NEBL: variants seen among roughly 807,000 people sequenced by gnomAD.
NEBL encodes LIM and SH3 protein 2.
In NEBL, 122 loss-of-function variants were observed where a neutral mutation model predicts 140.2. The observed-to-expected ratio is 0.87, with a 90% CI of 0.75 to 1.01. The LOEUF (loss-of-function observed/expected upper bound fraction) is 1.01. Among genes scored for constraint, NEBL ranks in the 50% least tolerant of loss-of-function variants. The pLI, the probability that NEBL is intolerant of heterozygous loss-of-function variation, is 0.00. For synonymous variants in NEBL, 436 were observed against 398.9 expected (o/e 1.09, Z -1.11); for missense variants, 1,365 against 1,231.3 (o/e 1.11, Z -1.62).
chr10:20,884,493 GC>G (rs1340431350), intron 4 of NEBL, among the ~76,000 whole-genome samples: 1 of 152,200 alleles, frequency 6.6e-6, no homozygotes, highest in Non-Finnish European at 1.5e-5. Context: ...GGTCAAGTAT[GC>G]AAATTAAAAT....
intron 4 of NEBL, among the ~76,000 whole-genome samples, chr10:20,916,171 G>A (rs1848547895): frequency 6.6e-6 from 1 of 152,100 alleles, no homozygotes; most frequent in Non-Finnish European, 1.5e-5. Context: ...TGCTAAATGT[G>A]AGAATTTTAG....
At chr10:20,861,882 T>G (rs1230546729) in intron 7 of NEBL, among the ~76,000 whole-genome samples, 2 of 152,146 alleles carry the variant, frequency 1.3e-5, no homozygotes, top group Non-Finnish European at 2.9e-5. Context: ...CACCGTAAGT[T>G]AAAAATGTAA....
chr10:21,146,396 AT>A (rs1839895300), intron 2 of NEBL: 2 of 1,608,322 alleles, frequency 1.2e-6, no homozygotes, highest in Non-Finnish European at 1.7e-6. Context: ...TGACTGGTTG[AT>A]TAGTAAAGCA....
At chr10:20,996,196 T>C (rs1202387478) in intron 3 of NEBL, among the ~76,000 whole-genome samples, 3 of 152,206 alleles carry the variant, frequency 2.0e-5, no homozygotes, top group Non-Finnish European at 4.4e-5. Context: ...CACTACGATG[T>C]GATACGCTTT....
chr10:21,103,492 C>T (rs997950404), intron 2 of NEBL, among the ~76,000 whole-genome samples: 19 of 152,182 alleles, frequency 1.2e-4, no homozygotes, highest in Admixed American at 9.2e-4. Flanking sequence ...GGATTACAGG[C>T]ATGAGCCACC....
intron 4 of NEBL, among the ~76,000 whole-genome samples, chr10:20,959,375 C>A (rs1835948202): frequency 6.6e-6 from 1 of 152,044 alleles, no homozygotes; most frequent in African/African-American, 2.4e-5. Context: ...CACCTGTTTC[C>A]TCTCATAACA....
chr10:21,046,845 G>A (rs565616782), intron 2 of NEBL, among the ~76,000 whole-genome samples: 8 of 152,090 alleles, frequency 5.3e-5, no homozygotes, highest in Admixed American at 2.0e-4. Context: ...CTGGTGATCC[G>A]CCTGCCTCAG....
At chr10:20,857,244 T>G (rs1490551614) in intron 9 of NEBL, among the ~76,000 whole-genome samples, 6 of 152,208 alleles carry the variant, frequency 3.9e-5, no homozygotes, top group Non-Finnish European at 4.4e-5. Flanking sequence ...AACATACATT[T>G]CAAAACACTG....
intron 3 of NEBL, among the ~76,000 whole-genome samples, chr10:20,967,596 C>T (rs967243256): frequency 2.6e-5 from 4 of 151,918 alleles, no homozygotes; most frequent in African/African-American, 9.7e-5. Context: ...CTGCTGCACT[C>T]CAGCCTGGGT....
At chr10:20,989,947 T>C (rs1837395643) in intron 3 of NEBL, among the ~76,000 whole-genome samples, 1 of 152,246 alleles carries the variant, frequency 6.6e-6, no homozygotes, top group Non-Finnish European at 1.5e-5. Flanking sequence ...TGCTGAAATA[T>C]GAGCAGAACC....
At chr10:20,970,477 C>T (rs956632566) in intron 3 of NEBL, among the ~76,000 whole-genome samples, 9 of 151,844 alleles carry the variant, frequency 5.9e-5, no homozygotes, top group African/African-American at 2.2e-4. Flanking sequence ...TGTCTCTGCT[C>T]CCCCCACCAA....
intron 4 of NEBL, among the ~76,000 whole-genome samples, chr10:20,935,211 C>T (rs1222232536): frequency 6.6e-6 from 1 of 152,184 alleles, no homozygotes. Flanking sequence ...CCACCATCTC[C>T]TCTCAGATGG....
intron 17 of NEBL, 110 bp downstream of exon 17, chr10:20,828,420 C>T (rs1588706784): frequency 7.0e-6 from 5 of 713,658 alleles, no homozygotes; most frequent in South Asian, 6.3e-5. Context: ...ATACACTTGA[C>T]AGAAAATTCA....
chr10:20,801,823 A>G (rs1837153125), intron 26 of NEBL, among the ~76,000 whole-genome samples: 1 of 152,092 alleles, frequency 6.6e-6, no homozygotes, highest in Non-Finnish European at 1.5e-5. Flanking sequence ...TTGAATACGT[A>G]TTACATGGGA....
At chr10:21,008,434 T>C (rs1340175354) in intron 3 of NEBL, among the ~76,000 whole-genome samples, 1 of 152,148 alleles carries the variant, frequency 6.6e-6, no homozygotes, top group African/African-American at 2.4e-5. Flanking sequence ...TAAATTTTTT[T>C]CCACAGATTT....
chr10:20,934,630 C>T (rs912700266), intron 4 of NEBL, among the ~76,000 whole-genome samples: 2 of 152,050 alleles, frequency 1.3e-5, no homozygotes, highest in African/African-American at 2.4e-5. Flanking sequence ...CCACTGGATA[C>T]GAGAGGTGCT....
intron 11 of NEBL, among the ~76,000 whole-genome samples, chr10:20,846,541 T>C (rs1841964722): frequency 6.6e-6 from 1 of 152,150 alleles, no homozygotes; most frequent in Non-Finnish European, 1.5e-5. Context: ...CAAAGTTAAA[T>C]AACCAGTTGC....
intron 4 of NEBL, among the ~76,000 whole-genome samples, chr10:20,936,837 G>C (rs369252519): frequency 6.6e-6 from 1 of 152,098 alleles, no homozygotes; most frequent in African/African-American, 2.4e-5. Flanking sequence ...CCCACCTTAT[G>C]AATAAGCTTG....
chr10:20,873,941 A>G lies in NEBL; in HGVS notation c.481-4100T>C, dbSNP rs1333595580. Among the ~76,000 whole-genome samples, 4 of 152,098 alleles carry G rather than the reference A, an allele frequency of 2.6e-5. No individual in the cohort carries two copies. In the East Asian group the frequency reaches 5.8e-4, roughly 22 times the overall value. Reference sequence around the variant, plus strand: ...ATGAAGTTTCATCATTTTGTTCTATATGTCTGTCACTGGGCAAAGAAATTA... The same window carrying G: ...ATGAAGTTTCATCATTTTGTTCTATGTGTCTGTCACTGGGCAAAGAAATTA... On this transcript the variant is annotated intron_variant, in intron 5 of 27. Transcript: ENST00000377122.
Sources: allele counts gnomAD v4.1 joint callset (sites outside exome capture counted in the v4.1 genomes callset), GRCh38; gene constraint gnomAD v4.1.1; transcripts MANE v1.5; gene names NCBI Gene and HGNC (gene_info 2026-07-23, HGNC 2026-07-21).